The following TNXB variants were observed in gnomAD, a reference collection of about 807,000 sequenced individuals.
TNXB encodes tenascin XB, also known as tenascin-X.
TNXB carries 183 observed loss-of-function variants against 340.5 expected under a neutral mutation model. That is an observed-to-expected ratio of 0.54 (90% CI 0.48 to 0.61). The LOEUF is 0.61. TNXB is among the 20% of genes least tolerant of loss of function. TNXB has a pLI of 0.00. For missense variants in TNXB, 4,613 were observed against 5,446.4 expected (o/e 0.85, Z 4.82); for synonymous variants, 2,121 against 2,314.5 (o/e 0.92, Z 2.40).
At chr6:32,095,357 CCTT>C (rs936450535) in intron 3 of TNXB, among the ~76,000 whole-genome samples, 166 bp from the exon 4 acceptor site, 4 of 152,136 alleles carry the variant, frequency 2.6e-5, no homozygotes, top group Non-Finnish European at 5.9e-5. Context: ...ATCGCCTTCA[CCTT>C]CTCTCCATCT....
In TNXB at chr6:32,053,398, A is replaced by T; in HGVS notation, c.8781T>A (p.Ile2927=). 2 of 1,612,320 alleles carry T rather than the reference A, an allele frequency of 1.2e-6. No homozygotes were observed. The highest frequency in any genetic ancestry group is 1.7e-6 in the Non-Finnish European group (2 of 1,179,684). The part of the protein sequence containing the change: ...GGQRVGPISV[I]GVTAAEEETP... ...CCATCGTACACTCACCTGTCACCCC[A>T]ATGACAGAGATGGGGCCCACGCGCT... Residue 2927 remains isoleucine, a synonymous_variant, in exon 25 of 44, where the codon ATT becomes ATA. Coordinates refer to ENST00000644971, the MANE Select transcript of TNXB (RefSeq NM_001365276.2).
In TNXB at chr6:32,067,305, C is replaced by A. The variant is rs558154839; in HGVS notation, c.6544+356G>T. Among the ~76,000 whole-genome samples, 50 of 152,256 alleles carry A rather than the reference C, an allele frequency of 3.3e-4. No individual in the cohort carries two copies. The highest frequency in any genetic ancestry group is 1.2e-3 in the African/African-American group (49 of 41,536). On this transcript the variant is annotated intron_variant, in intron 18 of 43. Transcript: ENST00000644971. The surrounding 1 kb of genome is among the most constrained non-coding windows in gnomAD (Gnocchi z 4.2). ...CTTTGTACTATTCTTTCTGTTTATACATTTGAAATTTTATTTAACAAATAC... is the reference window on the plus strand; with the variant it reads ...CTTTGTACTATTCTTTCTGTTTATAAATTTGAAATTTTATTTAACAAATAC...
Position 32,085,076 on chromosome 6 carries a change from C to A in TNXB, c.3149-367G>T, listed in dbSNP as rs1446236064. On this transcript the variant is annotated intron_variant, in intron 7 of 43. Coordinates refer to ENST00000644971, the MANE Select transcript of TNXB (RefSeq NM_001365276.2). This position sits in a 1 kb window ranked among gnomAD's most constrained non-coding sequence, Gnocchi z 6.4. ...GCTGCTGTCTCTCTTACCACCCTCTCTTCCAGTGGTGAGCTTGACCTGGAG... is the reference window on the plus strand; with the variant it reads ...GCTGCTGTCTCTCTTACCACCCTCTATTCCAGTGGTGAGCTTGACCTGGAG... Among the ~76,000 whole-genome samples, 3 of 152,184 alleles carry A rather than the reference C, an allele frequency of 2.0e-5. No homozygotes were observed. Among genetic ancestry groups the A allele is most frequent in the African/African-American group, 7.2e-5 (3 of 41,436 alleles).
chr6:32,093,778 T>C (rs1009310685), intron 4 of TNXB, among the ~76,000 whole-genome samples: 1 of 152,154 alleles, frequency 6.6e-6, no homozygotes, highest in African/African-American at 2.4e-5. Flanking sequence ...CTTAGGGTGT[T>C]CCCTCTAATG....
At chr6:32,093,707 T>C (rs1253547826) in intron 4 of TNXB, among the ~76,000 whole-genome samples, 2 of 152,134 alleles carry the variant, frequency 1.3e-5, no homozygotes, top group African/African-American at 4.8e-5. Context: ...GAAACGACCA[T>C]ATCTTAAAAG....
At chr6:32,105,581 C>T (rs181685498) in intron 1 of TNXB, among the ~76,000 whole-genome samples, 55 of 152,038 alleles carry the variant, frequency 3.6e-4, no homozygotes, top group Admixed American at 9.8e-4. Flanking sequence ...TCAATGTAAA[C>T]GCAGGACTAG....
Position 32,081,821 on chromosome 6 carries a change from G to GGGTA in TNXB, c.3737-152_3737-149dup. On this transcript the variant is annotated intron_variant, in intron 9 of 43. Transcript: ENST00000644971. This position sits in a 1 kb window ranked among gnomAD's most constrained non-coding sequence, Gnocchi z 5.1. ...ACTTCTGGGAAGCCTGACACAGCCA[G>GGGTA]GGTATGACACACCTTCTGGGCCACG... 1 of 696,890 alleles carries GGGTA rather than the reference G, an allele frequency of 1.4e-6. No individual in the cohort carries two copies. The highest frequency in any genetic ancestry group is 2.4e-6 in the Non-Finnish European group (1 of 417,184). The allele number at this position is 696,890 out of a possible 1,614,324, so 43.2% of individuals were successfully genotyped here.
At chr6:32,103,357 G>A (rs1780819653) in intron 1 of TNXB, among the ~76,000 whole-genome samples, 2 of 150,934 alleles carry the variant, frequency 1.3e-5, no homozygotes, top group Non-Finnish European at 2.9e-5. Context: ...TTGAACCTGG[G>A]AGGCAAAGGT....
At position 32,064,779 on chromosome 6, in the gene TNXB, G is replaced by A. The variant is rs1188576322; in HGVS notation, c.6841+42C>T. ...ATACTGACAATAAAAGGGAAACTGA[G>A]TCTAGTTCAGGGCAGGGCCCAGTGC... On this transcript the variant is annotated intron_variant, in intron 19 of 43. Coordinates refer to ENST00000644971, the MANE Select transcript of TNXB (RefSeq NM_001365276.2). This position sits in a 1 kb window ranked among gnomAD's most constrained non-coding sequence, Gnocchi z 5.3. 1.3e-6 allele frequency: 2 copies of A among 1,589,708 alleles called. No individual in the cohort carries two copies. The highest frequency in any genetic ancestry group is 1.7e-6 in the Non-Finnish European group (2 of 1,167,334).
Position 32,046,196 on chromosome 6 carries a change from C to T in TNXB, c.10585G>A (p.Val3529Ile), listed in dbSNP as rs560904821. 5.0e-6 allele frequency: 8 copies of T among 1,588,424 alleles called. No homozygotes were observed. The South Asian group carries it at 6.7e-5, about 13-fold the overall frequency. Reference protein sequence around the residue: ...GLLGGKRLGPVSALGMTAPEE... With the variant: ...GLLGGKRLGPISALGMTAPEE... ...TCACCTGTCATTCCCAGGGCAGAGA[C>T]CGGGCCCAGGCGCTTTCCCCCAAGG... Residue 3529 changes from valine (V) to isoleucine (I), a missense_variant, in exon 31 of 44, where the codon GTC becomes ATC. By Grantham distance (29) the Val-to-Ile change is conservative. Transcript: ENST00000644971. The surrounding 1 kb of genome is among the most constrained non-coding windows in gnomAD (Gnocchi z 6.9).
intron 23 of TNXB, 72 bp downstream of exon 23, chr6:32,056,514 C>T (rs1358275029): frequency 6.4e-7 from 1 of 1,567,656 alleles, no homozygotes; most frequent in Non-Finnish European, 8.7e-7. Flanking sequence ...CCATTCCCCA[C>T]CAGTCATCAC....
Position 32,046,311 on chromosome 6 carries a change from G to C in TNXB, c.10470C>G (p.Pro3490=). Residue 3490 remains proline (P), a synonymous_variant, in exon 31 of 44, where the codon CCC becomes CCG. Transcript: ENST00000644971. This position sits in a 1 kb window ranked among gnomAD's most constrained non-coding sequence, Gnocchi z 6.9. ...VVQYRDTDGQ[P]RAVPVAADQR... ...GGTCTGCGGCCACAGGCACTGCCCT[G>C]GGCTGCCCGTCCGTGTCCCTGTACT... 1 of 1,606,656 alleles carries C rather than the reference G, an allele frequency of 6.2e-7. No homozygotes were observed. The highest frequency in any genetic ancestry group is 8.5e-7 in the Non-Finnish European group (1 of 1,178,140).
At position 32,087,875 on chromosome 6, in the gene TNXB, CTGCTGG is replaced by C. The variant is rs1221588959; in HGVS notation, c.2779+904_2779+909del. On this transcript the variant is annotated intron_variant, in intron 6 of 43. Coordinates refer to ENST00000644971, the MANE Select transcript of TNXB (RefSeq NM_001365276.2). This position sits in a 1 kb window ranked among gnomAD's most constrained non-coding sequence, Gnocchi z 9.0. ...GGCGGGGACTCCTCCTCCCTTTCCT[CTGCTGG>C]CCTCGAGGGCCAAGGGGGCCGTGGG... is the stretch of plus-strand genomic sequence containing the variant. The C allele has an allele frequency of 9.6e-6, 4 of 415,886 alleles. No individual in the cohort carries two copies. Among genetic ancestry groups the C allele is most frequent in the Non-Finnish European group, 1.4e-5 (3 of 211,558 alleles). The allele number at this position is 415,886 out of a possible 1,614,324, so 25.8% of individuals were successfully genotyped here.
In TNXB at chr6:32,043,839, C is replaced by G; in HGVS notation, c.11440G>C (p.Gly3814Arg). 1 of 1,613,752 alleles carries G rather than the reference C, an allele frequency of 6.2e-7. No individual in the cohort carries two copies. The highest frequency in any genetic ancestry group is 8.5e-7 in the Non-Finnish European group (1 of 1,180,004). The change falls in exon 35 of 44, where the codon GGG becomes CGG. Residue 3814 changes from glycine (G) to arginine (R), a missense_variant. This residue lies in a region of TNXB where 114 missense variants were observed against 104.5 expected (regional missense o/e 1.09). Transcript: ENST00000644971. ...TCATAGCGAGCGCCTGGGATCAGCC[C>G]CTGGAGTTTCTGGGTCCGGGCCTGG... is the stretch of plus-strand genomic sequence containing the variant. ...DGQARTQKLQ[G>R]LIPGARYEVT...
In TNXB at chr6:32,086,038, G is replaced by A. The variant is rs969571718; in HGVS notation, c.2860C>T (p.Pro954Ser). ...TCCTGGGGGCGCTGCTGCAGGAGAG[G>A]AGCCTGGGCCCCTTGCGTCGTCGAG... The part of the protein sequence containing the change: ...GPSTTQGAQA[P>S]LLQQRPQELG... The change falls in exon 7 of 44, where the codon CCT becomes TCT. Residue 954 changes from proline to serine, a missense_variant. Around this residue, in one of 7 missense-constraint regions of TNXB, gnomAD observed 4,327 missense variants for 4,859.4 expected, o/e 0.89. Transcript: ENST00000644971. 1.6e-5 allele frequency: 25 copies of A among 1,604,498 alleles called. No homozygotes were observed. Among genetic ancestry groups the A allele is most frequent in the African/African-American group, 2.7e-5 (2 of 74,888 alleles).
Position 32,041,208 on chromosome 6 carries a change from C to T in TNXB, c.*141G>A. 3 of 927,632 alleles carry T rather than the reference C, an allele frequency of 3.2e-6. 1 individual carries two copies. Among genetic ancestry groups the T allele is most frequent in the Non-Finnish European group, 5.3e-6 (3 of 569,222 alleles). 57.5% of individuals were successfully genotyped at this position (927,632 alleles called of 1,614,324 possible). On this transcript the variant is annotated 3_prime_UTR_variant, in exon 44 of 44. Transcript: ENST00000644971. ...TCCCGTACGAACCCCTCCCCTCCCC[C>T]CTGTAAACACAGTGCTGCGAGATCG...
Position 32,069,796 on chromosome 6 carries a change from G to A in TNXB, c.5344C>T (p.Leu1782=), listed in dbSNP as rs1374933544. ...RPPKPRLGEE[L]QVTTVTQNSV... is the part of the protein sequence containing the mutation. ...TTCTGGGTCACGGTGGTCACCTGCAGCTCCTCCCCCAGACGGGGTTTTGGG... is the reference window on the plus strand; with the variant it reads ...TTCTGGGTCACGGTGGTCACCTGCAACTCCTCCCCCAGACGGGGTTTTGGG... The change falls in exon 15 of 44, where the codon CTG becomes TTG. Residue 1782 remains leucine (L), a synonymous_variant. Transcript: ENST00000644971. The surrounding 1 kb of genome is among the most constrained non-coding windows in gnomAD (Gnocchi z 6.2). 2 of 1,610,230 alleles carry A rather than the reference G, an allele frequency of 1.2e-6. No individual in the cohort carries two copies. Among genetic ancestry groups the A allele is most frequent in the African/African-American group, 1.3e-5 (1 of 74,936 alleles).
Position 32,069,185 on chromosome 6 carries a change from CCAGACTCT to C in TNXB, c.5588-57_5588-50del. 1 of 1,541,542 alleles carries C rather than the reference CCAGACTCT, an allele frequency of 6.5e-7. No homozygotes were observed. The highest frequency in any genetic ancestry group is 1.8e-5 in the Admixed American group (1 of 55,216). On this transcript the variant is annotated intron_variant, in intron 15 of 43. Transcript: ENST00000644971. The surrounding 1 kb of genome is among the most constrained non-coding windows in gnomAD (Gnocchi z 6.2). ...ACAGATGGCTGGTGTGTCGCTGCAC[CCAGACTCT>C]CAGGAGGAGTGAGGGAGGAGAGGGA...
At position 32,047,482 on chromosome 6, in the gene TNXB, G is replaced by C. The variant is rs1174583503; in HGVS notation, c.10324+252C>G. The stretch of plus-strand genomic sequence containing the variant: ...CCATGGTCACCCTGGCAAAGGCTAG[G>C]ACTGGAACTGGAACACAGATCTGCT... On this transcript the variant is annotated intron_variant, in intron 30 of 43. Transcript: ENST00000644971. This position sits in a 1 kb window ranked among gnomAD's most constrained non-coding sequence, Gnocchi z 6.2. Among the ~76,000 whole-genome samples, 1 of 152,234 alleles carries C rather than the reference G, an allele frequency of 6.6e-6. No individual in the cohort carries two copies. The highest frequency in any genetic ancestry group is 1.5e-5 in the Non-Finnish European group (1 of 68,042).
Sources: gnomAD v4.1 joint callset for allele counts (sites outside exome capture counted in the v4.1 genomes callset) on GRCh38, gnomAD v4.1.1 for gene constraint, gnomAD v4.1.1 regional missense constraint, Gnocchi (gnomAD v3.1) non-coding constraint, MANE v1.5 for transcripts, NCBI Gene and HGNC (gene_info 2026-07-23, HGNC 2026-07-21) for gene names.